FHOD3: variants seen among roughly 807,000 people sequenced by gnomAD.
FHOD3 encodes formin homology 2 domain containing 3.
A neutral mutation model predicts 173.0 loss-of-function variants in FHOD3; 90 were observed. The ratio of observed to expected loss-of-function variants is 0.52; its 90% CI spans 0.44 to 0.62. The LOEUF (loss-of-function observed/expected upper bound fraction) is 0.62, where lower values mean the gene tolerates loss of function less well. Ranked by LOEUF, FHOD3 falls within the 20% of genes least tolerant of loss-of-function variation. The probability of loss-of-function intolerance (pLI) is 0.00; values close to 1 mark genes in which losing one functional copy is unlikely to be tolerated. For missense variants in FHOD3, 1,945 were observed against 2,034.7 expected (o/e 0.96, Z 0.85); for synonymous variants, 828 against 823.0 (o/e 1.01, Z -0.10).
At chr18:36,519,872 C>G (rs755782393) in intron 5 of FHOD3, among the ~76,000 whole-genome samples, 7 of 151,802 alleles carry the variant, frequency 4.6e-5, no homozygotes, top group Non-Finnish European at 1.0e-4. Context: ...CCCTCTTACT[C>G]TCTTCCAAGG....
intron 1 of FHOD3, among the ~76,000 whole-genome samples, chr18:36,317,394 T>C (rs1221707477): frequency 6.6e-6 from 1 of 152,238 alleles, no homozygotes; most frequent in African/African-American, 2.4e-5. Flanking sequence ...TGTTGTTTCC[T>C]GACTTTTTAA....
chr18:36,613,214 C>T (rs2032869192), intron 9 of FHOD3, among the ~76,000 whole-genome samples: 2 of 152,226 alleles, frequency 1.3e-5, no homozygotes, highest in African/African-American at 4.8e-5. Context: ...AGAATCTGTG[C>T]ACATGAGCAG....
chr18:36,647,650 T>C (rs147535941), intron 10 of FHOD3, among the ~76,000 whole-genome samples: 1 of 152,294 alleles, frequency 6.6e-6, no homozygotes, highest in African/African-American at 2.4e-5. Context: ...TACTACACTG[T>C]TTATGACAGC....
chr18:36,742,727 TAACTGAAAG>T lies in FHOD3; in HGVS notation c.3760-9_3760-1del. ...CACTCTTTATTGTCTAATTTTTTTT[TAACTGAAAG>T]GAAGTAGCAGAACCACTCCTGGACC... On this transcript the variant is annotated splice_acceptor_variant and splice_polypyrimidine_tract_variant and intron_variant, in intron 21 of 28. Transcript: ENST00000590592. LOFTEE classifies it high-confidence loss of function. 6.3e-7 allele frequency: 1 copy of T among 1,597,440 alleles called. No individual in the cohort carries two copies. Among genetic ancestry groups the T allele is most frequent in the Admixed American group, 1.8e-5 (1 of 54,792 alleles).
At chr18:36,555,753 C>T (rs2057853331) in intron 5 of FHOD3, among the ~76,000 whole-genome samples, 1 of 152,126 alleles carries the variant, frequency 6.6e-6, no homozygotes, top group South Asian at 2.1e-4. Flanking sequence ...TTTGTCATAT[C>T]CTCTTGTCAA....
Position 36,681,595 on chromosome 18 carries a change from T to A in FHOD3, c.1970+25T>A, listed in dbSNP as rs750951318. Reference sequence around the variant, plus strand: ...GGTAAGAAGGATCTTAAGATTTTTTTTAAATAGTGAGTTAAAAATTAAAGG... The same window carrying A: ...GGTAAGAAGGATCTTAAGATTTTTTATAAATAGTGAGTTAAAAATTAAAGG... On this transcript the variant is annotated intron_variant, in intron 15 of 28. Transcript: ENST00000590592. 1.4e-5 allele frequency: 22 copies of A among 1,566,290 alleles called. No homozygotes were observed. The South Asian group carries it at 1.9e-4, about 14-fold the overall frequency.
chr18:36,658,548 T>C (rs112822881), intron 14 of FHOD3, among the ~76,000 whole-genome samples: 2 of 152,348 alleles, frequency 1.3e-5, no homozygotes, highest in African/African-American at 4.8e-5. Context: ...CACCATTGAA[T>C]GATTAAATCT....
chr18:36,312,257 A>G (rs1448504539), intron 1 of FHOD3, among the ~76,000 whole-genome samples: 1 of 151,830 alleles, frequency 6.6e-6, no homozygotes, highest in Non-Finnish European at 1.5e-5. Flanking sequence ...GTCCTTCTCA[A>G]TCCTTCTGCT....
chr18:36,309,264 G>T (rs2092188336), intron 1 of FHOD3, among the ~76,000 whole-genome samples: 1 of 152,154 alleles, frequency 6.6e-6, no homozygotes, highest in Non-Finnish European at 1.5e-5. Flanking sequence ...GCTGAGCCGA[G>T]GGGAAGAGCG....
At chr18:36,562,449 T>C (rs1418528211) in intron 5 of FHOD3, among the ~76,000 whole-genome samples, 1 of 152,256 alleles carries the variant, frequency 6.6e-6, no homozygotes, top group Non-Finnish European at 1.5e-5. Context: ...TTGCATGATA[T>C]GATTTAAAAA....
intron 3 of FHOD3, among the ~76,000 whole-genome samples, chr18:36,448,959 C>T (rs866270333): frequency 1.3e-5 from 2 of 151,710 alleles, no homozygotes; most frequent in South Asian, 4.2e-4. Flanking sequence ...TCCTCCCCCT[C>T]CCTACTTTCC....
chr18:36,479,707 T>G (rs1024196870), intron 3 of FHOD3, among the ~76,000 whole-genome samples: 2 of 152,180 alleles, frequency 1.3e-5, no homozygotes, highest in African/African-American at 4.8e-5. Flanking sequence ...GTGAATATAT[T>G]AGATATATTT....
intron 11 of FHOD3, among the ~76,000 whole-genome samples, chr18:36,650,010 C>G (rs2035943128): frequency 6.6e-6 from 1 of 152,164 alleles, no homozygotes; most frequent in Non-Finnish European, 1.5e-5. Context: ...TGCTTTCTTT[C>G]TATCCTCAGG....
Position 36,432,300 on chromosome 18 carries a change from C to G in FHOD3, c.337+59556C>G, listed in dbSNP as rs372734915. Among the ~76,000 whole-genome samples, 10 of 151,844 alleles carry G rather than the reference C, an allele frequency of 6.6e-5. 1 individual carries two copies. Among genetic ancestry groups the G allele is most frequent in the Admixed American group, 3.3e-4 (5 of 15,280 alleles). ...TAGTTTAAAGATTTTTTCTTTTGCT[C>G]TTTATTTAAAAAAAAATTTAAATAG... On this transcript the variant is annotated intron_variant, in intron 3 of 28. Transcript: ENST00000590592.
At chr18:36,450,591 A>T (rs930642443) in intron 3 of FHOD3, among the ~76,000 whole-genome samples, 1 of 152,086 alleles carries the variant, frequency 6.6e-6, no homozygotes, top group African/African-American at 2.4e-5. Context: ...CAGGAGTTCG[A>T]GACCAGCCTG....
At chr18:36,499,168 A>G (rs973262897) in intron 3 of FHOD3, among the ~76,000 whole-genome samples, 9 of 152,040 alleles carry the variant, frequency 5.9e-5, no homozygotes, top group Non-Finnish European at 1.3e-4. Flanking sequence ...CGGTGACATG[A>G]TCTCAGCTCA....
chr18:36,469,482 C>T (rs2053150184), intron 3 of FHOD3, among the ~76,000 whole-genome samples: 1 of 152,174 alleles, frequency 6.6e-6, no homozygotes, highest in African/African-American at 2.4e-5. Flanking sequence ...GTACAGCAGG[C>T]TGGCTGGGCT....
At chr18:36,735,472 G>T (rs2041583295) in intron 20 of FHOD3, among the ~76,000 whole-genome samples, 1 of 152,186 alleles carries the variant, frequency 6.6e-6, no homozygotes, top group Admixed American at 6.5e-5. Context: ...TGGAGCTAGT[G>T]CTAGAAACTA....
At chr18:36,516,148 C>T (rs141823090) in intron 5 of FHOD3, among the ~76,000 whole-genome samples, 44 of 152,162 alleles carry the variant, frequency 2.9e-4, no homozygotes, top group Admixed American at 1.3e-3. Context: ...CTGCTGGCAG[C>T]CACTGGACAT....
Sources: allele counts gnomAD v4.1 joint callset (sites outside exome capture counted in the v4.1 genomes callset), GRCh38; gene constraint gnomAD v4.1.1; transcripts MANE v1.5; gene names NCBI Gene and HGNC (gene_info 2026-07-23, HGNC 2026-07-21).